PATJ: variants seen among roughly 807,000 people sequenced by gnomAD.
PATJ encodes inaD-like protein.
In PATJ, 190 loss-of-function variants were observed where a neutral mutation model predicts 224.9. The ratio of observed to expected loss-of-function variants is 0.84; its 90% CI spans 0.75 to 0.95. The LOEUF is 0.95. Among genes scored for constraint, PATJ ranks in the 40% least tolerant of loss-of-function variants. The probability of loss-of-function intolerance (pLI) is 0.00; values close to 1 mark genes in which losing one functional copy is unlikely to be tolerated. For missense variants in PATJ, 2,121 were observed against 2,270.3 expected (o/e 0.93, Z 1.34); for synonymous variants, 769 against 820.3 (o/e 0.94, Z 1.07).
intron 8 of PATJ, among the ~76,000 whole-genome samples, chr1:61,790,579 T>C (rs7551886): frequency 0.16 from 23,785 of 147,112 alleles, 2,310 homozygotes; most frequent in East Asian, 0.47. Flanking sequence ...AGTGGTGTGA[T>C]CTCGGCTCAC....
At chr1:61,818,915 C>T (rs1242704327) in intron 14 of PATJ, among the ~76,000 whole-genome samples, 1 of 152,032 alleles carries the variant, frequency 6.6e-6, no homozygotes, top group East Asian at 1.9e-4. Flanking sequence ...TTGCCTTAAC[C>T]CTTTTATCTT....
chr1:61,816,296 T>C (rs928931858), intron 14 of PATJ: 2 of 152,264 alleles, frequency 1.3e-5, no homozygotes, highest in Admixed American at 1.3e-4. Context: ...AGTAACCTTA[T>C]TGGTCAGCAA....
At chr1:62,063,422 T>A (rs6674784) in intron 31 of PATJ, among the ~76,000 whole-genome samples, 45,045 of 152,164 alleles carry the variant, frequency 0.3, 7,614 homozygotes, top group Non-Finnish European at 0.4. Flanking sequence ...ATAGTATAGT[T>A]TGAAGTCAGA....
At chr1:62,002,964 C>G (rs1645878089) in intron 28 of PATJ, among the ~76,000 whole-genome samples, 1 of 152,136 alleles carries the variant, frequency 6.6e-6, no homozygotes, top group Non-Finnish European at 1.5e-5. Context: ...AAAGTCTTGA[C>G]TGGTAGCATA....
At chr1:61,939,969 C>T (rs984030186) in intron 27 of PATJ, among the ~76,000 whole-genome samples, 4 of 151,914 alleles carry the variant, frequency 2.6e-5, no homozygotes, top group Non-Finnish European at 4.4e-5. Flanking sequence ...CCACCGCGCC[C>T]GGCCTATATA....
At chr1:62,050,120 CA>C (rs35986021) in intron 30 of PATJ, among the ~76,000 whole-genome samples, 2,856 of 95,172 alleles carry the variant, frequency 0.03, 85 homozygotes, top group African/African-American at 0.089. Context: ...TCTGCCCCAC[CA>C]AAAAAAAAAA....
chr1:62,019,056 A>C (rs1003784188), intron 29 of PATJ, among the ~76,000 whole-genome samples: 2 of 152,164 alleles, frequency 1.3e-5, no homozygotes, highest in Non-Finnish European at 2.9e-5. Context: ...GAGCCTGGCC[A>C]ACATGGCGAA....
intron 7 of PATJ, among the ~76,000 whole-genome samples, chr1:61,777,289 G>A (rs1057065159): frequency 4.6e-5 from 7 of 152,084 alleles, no homozygotes; most frequent in Admixed American, 2.0e-4. Context: ...CTAAGGCTGG[G>A]CGTGGTGGCT....
intron 39 of PATJ, among the ~76,000 whole-genome samples, chr1:62,124,388 T>C (rs1346028815): frequency 2.0e-5 from 3 of 152,050 alleles, no homozygotes; most frequent in Admixed American, 1.3e-4. Flanking sequence ...CGGCCAAAAG[T>C]AGACTTTTAT....
At chr1:61,753,761 T>A (rs1027921120) in intron 1 of PATJ, among the ~76,000 whole-genome samples, 1 of 151,830 alleles carries the variant, frequency 6.6e-6, no homozygotes, top group African/African-American at 2.4e-5. Context: ...CCACCTGCCT[T>A]GGCCTCCCAA....
At chr1:62,103,709 G>T (rs997755364) in intron 33 of PATJ, among the ~76,000 whole-genome samples, 1 of 150,526 alleles carries the variant, frequency 6.6e-6, no homozygotes, top group African/African-American at 2.5e-5. Flanking sequence ...AGCCGAGATT[G>T]CACCATTGCA....
intron 21 of PATJ, among the ~76,000 whole-genome samples, chr1:61,879,405 T>A (rs1557808864): frequency 6.6e-6 from 1 of 152,182 alleles, no homozygotes; most frequent in African/African-American, 2.4e-5. Flanking sequence ...CCTGACGATC[T>A]AGAATGAAGG....
At chr1:61,759,651 G>A (rs557050148) in intron 1 of PATJ, among the ~76,000 whole-genome samples, 122 of 152,260 alleles carry the variant, frequency 8.0e-4, no homozygotes, top group East Asian at 1.9e-3. Context: ...CAAGTGATCC[G>A]CCTACCTTGG....
chr1:61,768,729 G>A (rs1429044086), intron 4 of PATJ, among the ~76,000 whole-genome samples: 2 of 150,900 alleles, frequency 1.3e-5, no homozygotes, highest in Non-Finnish European at 3.0e-5. Flanking sequence ...GCGAAACCCC[G>A]TCTCCACAAA....
At chr1:61,979,847 A>G (rs1229272321) in intron 27 of PATJ, among the ~76,000 whole-genome samples, 1 of 152,028 alleles carries the variant, frequency 6.6e-6, no homozygotes. Context: ...GTAACGAACT[A>G]GGAGGAACTT....
intron 33 of PATJ, among the ~76,000 whole-genome samples, chr1:62,092,029 C>G (rs1236692346): frequency 1.4e-5 from 2 of 145,896 alleles, no homozygotes; most frequent in African/African-American, 2.6e-5. Flanking sequence ...GCACTCCAGG[C>G]TGGGCAACAG....
intron 31 of PATJ, among the ~76,000 whole-genome samples, chr1:62,061,521 A>T (rs1348910960): frequency 6.6e-6 from 1 of 151,884 alleles, no homozygotes; most frequent in East Asian, 1.9e-4. Flanking sequence ...TCCAGTGTTT[A>T]GCTCCCACTT....
At position 62,162,958 on chromosome 1, in the gene PATJ, A is replaced by G. The variant is rs1669942379; in HGVS notation, c.*1904A>G. On this transcript the variant is annotated 3_prime_UTR_variant, in exon 44 of 44. Coordinates refer to ENST00000642238, the MANE Select transcript of PATJ (RefSeq NM_001350145.3). ...CAAGACTCTGTCTCGAAAAAGAAAA[A>G]AAACCATGAAGGATGAGTACTAGAG... 3 of 412,244 alleles carry G rather than the reference A, an allele frequency of 7.3e-6. No homozygotes were observed. The highest frequency in any genetic ancestry group is 2.1e-5 in the African/African-American group (1 of 47,288). The allele number at this position is 412,244 out of a possible 1,614,324, so 25.5% of individuals were successfully genotyped here.
At chr1:61,748,377 C>T (rs1175241406) in intron 1 of PATJ, among the ~76,000 whole-genome samples, 5 of 148,374 alleles carry the variant, frequency 3.4e-5, no homozygotes, top group Admixed American at 1.4e-4. Flanking sequence ...GCCTCAGCCT[C>T]CTGAGTTGCT....
Sources: gnomAD v4.1 joint callset for allele counts (sites outside exome capture counted in the v4.1 genomes callset) on GRCh38, gnomAD v4.1.1 for gene constraint, MANE v1.5 for transcripts, NCBI Gene and HGNC (gene_info 2026-07-23, HGNC 2026-07-21) for gene names.